The following SLITRK6 variants were observed in gnomAD, a reference collection of about 807,000 sequenced individuals.
SLITRK6 encodes SLIT and NTRK-like protein 6.
SLITRK6 carries 35 observed loss-of-function variants against 55.6 expected under a neutral mutation model. The observed-to-expected ratio is 0.63, with a 90% confidence interval of 0.48 to 0.83. The LOEUF is 0.83. SLITRK6 is among the 40% of genes least tolerant of loss of function. The pLI is 0.00. For missense variants in SLITRK6, 977 were observed against 986.4 expected (o/e 0.99, Z 0.13); for synonymous variants, 392 against 359.6 (o/e 1.09, Z -1.02).
chr13:85,796,939 A>G (rs1162771944), intron 1 of SLITRK6, among the ~76,000 whole-genome samples: 1 of 151,780 alleles, frequency 6.6e-6, no homozygotes, highest in Non-Finnish European at 1.5e-5. Context: ...TTAAGGCTGG[A>G]GGATTATAGT....
In SLITRK6 at chr13:85,795,782, C is replaced by T. The variant is rs1209990501; in HGVS notation, c.727G>A (p.Gly243Ser). ...LENMPPQSII[G>S]DVVCNSPPFF... is the part of the protein sequence containing the mutation. The stretch of plus-strand genomic sequence containing the variant: ...GGAGGGCTGTTGCAGACAACATCAC[C>T]AATTATAGACTGTGGAGGCATGTTC... The change falls in exon 2 of 2, where the codon GGT (glycine) becomes AGT (serine). Residue 243 changes from glycine to serine, a missense_variant. Transcript: ENST00000647374. The T allele has an allele frequency of 1.2e-6, 2 of 1,612,680 alleles. No homozygotes were observed. Among genetic ancestry groups the T allele is most frequent in the African/African-American group, 2.7e-5 (2 of 74,806 alleles).
intron 1 of SLITRK6, among the ~76,000 whole-genome samples, chr13:85,797,547 G>A (rs1036240409): frequency 3.3e-5 from 5 of 151,592 alleles, no homozygotes; most frequent in African/African-American, 9.7e-5. Flanking sequence ...TTTAGGGCAC[G>A]GAATGTCATC....
rs990411994 is a variant in SLITRK6, at chr13:85,794,444, C to T, written c.2065G>A (p.Val689Ile). The T allele has an allele frequency of 6.2e-7, 1 of 1,613,372 alleles. No homozygotes were observed. Among genetic ancestry groups the T allele is most frequent in the South Asian group, 1.1e-5 (1 of 91,072 alleles). ...EQHMVSPMVH[V>I]YRSPSFGPKH... ...GGACCAAAGGATGGACTTCTATAGA[C>T]ATGAACCATGGGGCTCACCATGTGC... Residue 689 changes from valine to isoleucine, a missense_variant, in exon 2 of 2, where the codon GTC becomes ATC. By Grantham distance (29) the Val-to-Ile change is conservative. Coordinates refer to ENST00000647374, the MANE Select transcript of SLITRK6 (RefSeq NM_032229.3).
chr13:85,794,515 G>C lies in SLITRK6; in HGVS notation c.1994C>G (p.Thr665Ser). Residue 665 changes from threonine (T) to serine (S), a missense_variant, in exon 2 of 2, where the codon ACC (threonine) becomes AGC (serine). Physicochemically the swap from Thr to Ser is moderately conservative, Grantham distance 58. Transcript: ENST00000647374. ...HLQYSMYGHK[T>S]THHTTERPSA... ...GGGTCTTTCAGTAGTGTGATGAGTGGTTTTATGGCCATACATGCTGTACTG... is the reference window on the plus strand; with the variant it reads ...GGGTCTTTCAGTAGTGTGATGAGTGCTTTTATGGCCATACATGCTGTACTG... 2 of 1,613,186 alleles carry C rather than the reference G, an allele frequency of 1.2e-6. No individual in the cohort carries two copies. The highest frequency in any genetic ancestry group is 3.3e-5 in the Admixed American group (2 of 59,820).
At chr13:85,798,733 ATGTC>A (rs1225385479) in intron 1 of SLITRK6, among the ~76,000 whole-genome samples, 177 bp downstream of exon 1, 1 of 152,056 alleles carries the variant, frequency 6.6e-6, no homozygotes, top group African/African-American at 2.4e-5. Context: ...GTTAGACTAA[ATGTC>A]TGCTTCTCAG....
intron 1 of SLITRK6, among the ~76,000 whole-genome samples, chr13:85,797,496 ACTT>A (rs1228732456): frequency 6.6e-6 from 1 of 151,800 alleles, no homozygotes; most frequent in Non-Finnish European, 1.5e-5. Context: ...CTTCATATAA[ACTT>A]CTAGCAAATG....
In SLITRK6 at chr13:85,796,692, T is replaced by C. The variant is rs356280; in HGVS notation, c.-24-160A>G. ...TGCATTTACATCATTTGTTTCTTTT[T>C]TTTTTTTCCTAATACTCAGACAGGC... On this transcript the variant is annotated intron_variant, in intron 1 of 1. Transcript: ENST00000647374. Among the ~76,000 whole-genome samples the C allele has an allele frequency of 0.25, 38,174 of 151,234 alleles. 5,969 individuals carry two copies. Among genetic ancestry groups the C allele is most frequent in the East Asian group, 0.63 (3,251 of 5,122 alleles).
At chr13:85,798,557 C>A (rs1251750152) in intron 1 of SLITRK6, among the ~76,000 whole-genome samples, 2 of 151,980 alleles carry the variant, frequency 1.3e-5, no homozygotes, top group Non-Finnish European at 1.5e-5. Flanking sequence ...AAGTAGCATA[C>A]AAAATGCAAA....
rs760317492 is a variant in SLITRK6, at chr13:85,795,544, G to A, written c.965C>T (p.Thr322Ile). 16 of 1,612,758 alleles carry A rather than the reference G, an allele frequency of 9.9e-6. No individual in the cohort carries two copies. In the African/African-American group the frequency reaches 1.7e-4, roughly 18 times the overall value. The change falls in exon 2 of 2, where the codon ACT becomes ATT. Residue 322 changes from threonine (T) to isoleucine (I), a missense_variant. By Grantham distance (89) the Thr-to-Ile change is moderately conservative. Coordinates refer to ENST00000647374, the MANE Select transcript of SLITRK6 (RefSeq NM_032229.3). ...GLIPYITKPS[T>I]QLPGPYCPIP... ...AGGGCAGTAAGGTCCTGGAAGTTGA[G>A]TGGATGGCTTTGTAATATAAGGTAT...
Position 85,796,027 on chromosome 13 carries a change from C to A in SLITRK6, c.482G>T (p.Arg161Ile), listed in dbSNP as rs1238778420. 1.2e-6 allele frequency: 2 copies of A among 1,613,104 alleles called. No homozygotes were observed. Among genetic ancestry groups the A allele is most frequent in the Non-Finnish European group, 1.7e-6 (2 of 1,179,468 alleles). The change falls in exon 2 of 2, where the codon AGA becomes ATA. Residue 161 changes from arginine (R) to isoleucine (I), a missense_variant. Transcript: ENST00000647374. ...IEPSAFSKLN[R>I]LKVLILNDNA... is the part of the protein sequence containing the mutation. ...GTCATTTAAAATTAACACTTTGAGT[C>A]TGTTGAGCTTGCTAAAGGCACTTGG... is the stretch of plus-strand genomic sequence containing the variant.
At position 85,794,906 on chromosome 13, in the gene SLITRK6, A is replaced by G; in HGVS notation, c.1603T>C (p.Leu535=). The change falls in exon 2 of 2, where the codon TTA becomes CTA. Residue 535 remains leucine, a synonymous_variant. Coordinates refer to ENST00000647374, the MANE Select transcript of SLITRK6 (RefSeq NM_032229.3). The stretch of plus-strand genomic sequence containing the variant: ...TCATCTGTCACTGTGTTCTTGCTTA[A>G]CTTTTGTATCCATTGCTGCAGTCCA... ...LVGLQQWIQK[L]SKNTVTDDIL... 1 of 1,613,052 alleles carries G rather than the reference A, an allele frequency of 6.2e-7. No individual in the cohort carries two copies. The highest frequency in any genetic ancestry group is 8.5e-7 in the Non-Finnish European group (1 of 1,179,506).
In SLITRK6 at chr13:85,795,958, G is replaced by A; in HGVS notation, c.551C>T (p.Pro184Leu). ...TCCACGAAGATCTAGATGGGTTAAA[G>A]GAACAAATCGGAAGATGTTTGGAGG... is the stretch of plus-strand genomic sequence containing the variant. ...SLPPNIFRFV[P>L]LTHLDLRGNQ... The change falls in exon 2 of 2, where the codon CCT becomes CTT. Residue 184 changes from proline (P) to leucine (L), a missense_variant. Coordinates refer to ENST00000647374, the MANE Select transcript of SLITRK6 (RefSeq NM_032229.3). The A allele has an allele frequency of 1.2e-6, 2 of 1,612,966 alleles. No homozygotes were observed. Among genetic ancestry groups the A allele is most frequent in the Non-Finnish European group, 1.7e-6 (2 of 1,179,378 alleles).
rs910030949 is a variant in SLITRK6, at chr13:85,793,461, A to T, written c.*522T>A. ...TTTCTATTTTTTCTTCACTATTACT[A>T]TTTATAATTGTCAAGTTCCAGTTTC... On this transcript the variant is annotated 3_prime_UTR_variant, in exon 2 of 2. Coordinates refer to ENST00000647374, the MANE Select transcript of SLITRK6 (RefSeq NM_032229.3). 4.6e-5 allele frequency: 7 copies of T among 152,418 alleles called. No homozygotes were observed. Among genetic ancestry groups the T allele is most frequent in the African/African-American group, 1.4e-4 (6 of 41,412 alleles). The allele number at this position is 152,418 out of a possible 1,614,324, so 9.4% of individuals were successfully genotyped here.
Position 85,795,814 on chromosome 13 carries a change from C to A in SLITRK6, c.695G>T (p.Trp232Leu). 1 of 1,612,876 alleles carries A rather than the reference C, an allele frequency of 6.2e-7. No individual in the cohort carries two copies. Among genetic ancestry groups the A allele is most frequent in the Non-Finnish European group, 8.5e-7 (1 of 1,179,406 alleles). Residue 232 changes from tryptophan to leucine, a missense_variant, in exon 2 of 2, where the codon TGG (tryptophan) becomes TTG (leucine). Transcript: ENST00000647374. ...AGACTGTGGAGGCATGTTCTCCAAC[C>A]AAGTTTTTAACTGCAATAAGTCACA... ...CNCDLLQLKT[W>L]LENMPPQSII...
At chr13:85,798,136 T>C (rs1454261828) in intron 1 of SLITRK6, among the ~76,000 whole-genome samples, 1 of 151,828 alleles carries the variant, frequency 6.6e-6, no homozygotes, top group Admixed American at 6.6e-5. Flanking sequence ...AAAGGGAAAG[T>C]TAGAAGATTT....
In SLITRK6 at chr13:85,795,221, T is replaced by C; in HGVS notation, c.1288A>G (p.Met430Val). Residue 430 changes from methionine to valine, a missense_variant, in exon 2 of 2, where the codon ATG (methionine) becomes GTG (valine). Met to Val is a conservative substitution (Grantham distance 21). Transcript: ENST00000647374. The part of the protein sequence containing the change: ...GNHLTKLSKG[M>V]FLGLHNLEYL... ...TCAAGATTATGGAGACCAAGGAACA[T>C]GCCTTTACTTAATTTGGTCAGGTGG... is the stretch of plus-strand genomic sequence containing the variant. The C allele has an allele frequency of 6.2e-7, 1 of 1,612,502 alleles. No individual in the cohort carries two copies. The highest frequency in any genetic ancestry group is 8.5e-7 in the Non-Finnish European group (1 of 1,179,268).
In SLITRK6 at chr13:85,796,022, T is replaced by C. The variant is rs1336661061; in HGVS notation, c.487A>G (p.Lys163Glu). The change falls in exon 2 of 2, where the codon AAA becomes GAA. Residue 163 changes from lysine (K) to glutamate (E), a missense_variant. Coordinates refer to ENST00000647374, the MANE Select transcript of SLITRK6 (RefSeq NM_032229.3). ...GCATTGTCATTTAAAATTAACACTT[T>C]GAGTCTGTTGAGCTTGCTAAAGGCA... ...PSAFSKLNRLKVLILNDNAIE... is the reference protein window; with the variant it reads ...PSAFSKLNRLEVLILNDNAIE... The C allele has an allele frequency of 4.3e-6, 7 of 1,613,130 alleles. No homozygotes were observed. The highest frequency in any genetic ancestry group is 2.2e-5 in the East Asian group (1 of 44,828).
intron 1 of SLITRK6, among the ~76,000 whole-genome samples, chr13:85,797,056 C>T (rs35712436): frequency 0.013 from 1,946 of 151,458 alleles, 18 homozygotes; most frequent in Admixed American, 0.023. Flanking sequence ...TATGCATGTA[C>T]GCATGTAGCA....
In SLITRK6 at chr13:85,794,829, T is replaced by G. The variant is rs762414430; in HGVS notation, c.1680A>C (p.Leu560=). ...AACCTGGACAGAGAATTTCACTATT[T>G]AGGGCTTTCAATTCCTTTTTGTCGA... ...GHLDKKELKA[L]NSEILCPGLV... Residue 560 remains leucine (L), a synonymous_variant, in exon 2 of 2, where the codon CTA becomes CTC. Coordinates refer to ENST00000647374, the MANE Select transcript of SLITRK6 (RefSeq NM_032229.3). 3.7e-6 allele frequency: 6 copies of G among 1,613,202 alleles called. No homozygotes were observed. Among genetic ancestry groups the G allele is most frequent in the Non-Finnish European group, 5.1e-6 (6 of 1,179,534 alleles).
Sources: gnomAD v4.1 joint callset for allele counts (sites outside exome capture counted in the v4.1 genomes callset) on GRCh38, gnomAD v4.1.1 for gene constraint, MANE v1.5 for transcripts, NCBI Gene and HGNC (gene_info 2026-07-23, HGNC 2026-07-21) for gene names.